The following CABIN1 variants were observed in gnomAD, a reference collection of about 807,000 sequenced individuals.
CABIN1 encodes calcineurin binding protein 1.
CABIN1 carries 133 observed loss-of-function variants against 227.7 expected under a neutral mutation model. The ratio of observed to expected loss-of-function variants is 0.58; its 90% CI spans 0.51 to 0.67. CABIN1 has a LOEUF of 0.67. CABIN1 is among the 30% of genes least tolerant of loss of function. CABIN1 has a pLI of 0.00. For missense variants in CABIN1, 2,408 were observed against 2,852.5 expected, an observed-to-expected ratio of 0.84 and a Z score of 3.55; for synonymous variants, 1,086 against 1,155.1, an observed-to-expected ratio of 0.94 and a Z score of 1.21.
chr22:24,119,725 T>C (rs752220987), intron 28 of CABIN1, 27 bp downstream of exon 28: 9 of 1,603,034 alleles, frequency 5.6e-6, no homozygotes, highest in Non-Finnish European at 7.7e-6. Flanking sequence ...CCAAGGGGGC[T>C]TGGATCTTCC....
In CABIN1 at chr22:24,055,177, A is replaced by G; in HGVS notation, c.1093+18A>G. The G allele has an allele frequency of 6.2e-7, 1 of 1,606,258 alleles. No individual in the cohort carries two copies. The highest frequency in any genetic ancestry group is 8.5e-7 in the Non-Finnish European group (1 of 1,179,946). On this transcript the variant is annotated intron_variant, in intron 9 of 36. Transcript: ENST00000263119. ...TCCTGTGGGTAAGCAGGCCCCCTGA[A>G]TTTGGCTTCCGGGGAGACCCCGTTC...
intron 1 of CABIN1, among the ~76,000 whole-genome samples, chr22:24,034,559 C>T (rs1279718151): frequency 1.3e-5 from 2 of 152,188 alleles, no homozygotes; most frequent in Non-Finnish European, 2.9e-5. Flanking sequence ...AATAATGCCT[C>T]TGTGAACATT....
chr22:24,033,591 C>T (rs1832270505), intron 1 of CABIN1, among the ~76,000 whole-genome samples: 1 of 152,184 alleles, frequency 6.6e-6, no homozygotes, highest in Non-Finnish European at 1.5e-5. Context: ...ATGGGTCCTC[C>T]TCCTGCCCTC....
At chr22:24,161,595 C>T (rs1054639031) in intron 29 of CABIN1, among the ~76,000 whole-genome samples, 2 of 152,148 alleles carry the variant, frequency 1.3e-5, no homozygotes, top group East Asian at 1.9e-4. Context: ...CCTCAGATGC[C>T]GTGGGGGTGT....
chr22:24,066,782 C>A (rs1027932856), intron 15 of CABIN1, among the ~76,000 whole-genome samples: 3 of 152,122 alleles, frequency 2.0e-5, no homozygotes, highest in African/African-American at 7.2e-5. Flanking sequence ...GAATTGGATG[C>A]CTAGCCATTA....
In CABIN1 at chr22:24,061,929, C is replaced by G; in HGVS notation, c.1618-18C>G. The G allele has an allele frequency of 1.1e-5, 17 of 1,606,496 alleles. No homozygotes were observed. The highest frequency in any genetic ancestry group is 1.4e-5 in the Non-Finnish European group (17 of 1,173,168). On this transcript the variant is annotated intron_variant, in intron 12 of 36. Coordinates refer to ENST00000263119, the MANE Select transcript of CABIN1 (RefSeq NM_012295.4). ...GCTTTGTGATACTGTTCTTGACCTT[C>G]CTGTGTCTGTCCTGCAGGACATGAT...
chr22:24,167,101 C>CCCGCCA lies in CABIN1; in HGVS notation c.5473_5478dup (p.Ala1825_Thr1826dup). 1.3e-6 allele frequency: 2 copies of CCCGCCA among 1,548,474 alleles called. No homozygotes were observed. The highest frequency in any genetic ancestry group is 1.7e-6 in the Non-Finnish European group (2 of 1,146,726). Reference sequence around the variant, plus strand: ...AGCCCAGCCAGCCCCCGCCCCCGCCCCCGCCACCACCACAGGGACCAGGGC... The same window carrying CCCGCCA: ...AGCCCAGCCAGCCCCCGCCCCCGCCCCCGCCACCGCCACCACCACAGGGACCAGGGC... On this transcript the variant is annotated inframe_insertion, in exon 32 of 37. Coordinates refer to ENST00000263119, the MANE Select transcript of CABIN1 (RefSeq NM_012295.4).
chr22:24,162,416 G>A (rs965557663), intron 29 of CABIN1, among the ~76,000 whole-genome samples: 2 of 152,234 alleles, frequency 1.3e-5, no homozygotes, highest in Non-Finnish European at 2.9e-5. Flanking sequence ...CACAACAGAA[G>A]GGGCTTCTGG....
intron 28 of CABIN1, among the ~76,000 whole-genome samples, 166 bp from the exon 29 acceptor site, chr22:24,134,136 C>A (rs2044243961): frequency 6.6e-6 from 1 of 152,236 alleles, no homozygotes; most frequent in South Asian, 2.1e-4. Context: ...GCCTGATGAT[C>A]AAAGCCCATG....
chr22:24,037,811 C>G (rs1229396076), intron 3 of CABIN1, among the ~76,000 whole-genome samples: 1 of 152,166 alleles, frequency 6.6e-6, no homozygotes, highest in African/African-American at 2.4e-5. Context: ...ATGCCAGTTG[C>G]AAGCGTTGAG....
chr22:24,063,280 C>T, intron 14 of CABIN1, 134 bp downstream of exon 14: 1 of 897,680 alleles, frequency 1.1e-6, no homozygotes, highest in Admixed American at 2.0e-5. Context: ...ACATGCATAG[C>T]ACCTGCCCGG....
chr22:24,122,638 G>A (rs2043485397), intron 28 of CABIN1, among the ~76,000 whole-genome samples: 2 of 152,050 alleles, frequency 1.3e-5, no homozygotes, highest in South Asian at 4.1e-4. Context: ...AACTGGGGAG[G>A]CGGAGGTTGC....
Position 24,038,724 on chromosome 22 carries a change from C to A in CABIN1, c.210+263C>A, listed in dbSNP as rs1042174096. On this transcript the variant is annotated intron_variant, in intron 4 of 36. Coordinates refer to ENST00000263119, the MANE Select transcript of CABIN1 (RefSeq NM_012295.4). ...AGGCCAGCTATCGTTATTACTTAAT[C>A]TTCACAACCACTCTGCCCAGTAGCT... 2.6e-5 allele frequency among the ~76,000 whole-genome samples: 4 copies of A among 152,226 alleles called. No individual in the cohort carries two copies. In the East Asian group the frequency reaches 7.7e-4, roughly 29 times the overall value.
At chr22:24,141,998 A>T (rs913204478) in intron 29 of CABIN1, among the ~76,000 whole-genome samples, 1 of 152,150 alleles carries the variant, frequency 6.6e-6, no homozygotes, top group Non-Finnish European at 1.5e-5. Flanking sequence ...GTTGGGGGGA[A>T]GGAGAGAAAG....
intron 19 of CABIN1, among the ~76,000 whole-genome samples, chr22:24,079,216 C>CA (rs2040646728): frequency 6.6e-6 from 1 of 152,198 alleles, no homozygotes; most frequent in African/African-American, 2.4e-5. Flanking sequence ...CCTTCCCAAT[C>CA]ATCCCACATT....
intron 24 of CABIN1, among the ~76,000 whole-genome samples, chr22:24,092,305 C>T (rs1315217547): frequency 6.6e-6 from 1 of 152,116 alleles, no homozygotes; most frequent in African/African-American, 2.4e-5. Flanking sequence ...GCTCTCTTGA[C>T]CCCCAGTTTG....
At chr22:24,045,021 G>A (rs1003987417) in intron 6 of CABIN1, among the ~76,000 whole-genome samples, 13 of 151,226 alleles carry the variant, frequency 8.6e-5, no homozygotes, top group Non-Finnish European at 1.8e-4. Context: ...CCAGGTTCAT[G>A]CCATTCTCCC....
chr22:24,095,920 CG>C lies in CABIN1; in HGVS notation c.3787-10del. 6.2e-6 allele frequency: 10 copies of C among 1,613,836 alleles called. No homozygotes were observed. Among genetic ancestry groups the C allele is most frequent in the Non-Finnish European group, 8.5e-6 (10 of 1,179,892 alleles). The stretch of plus-strand genomic sequence containing the variant: ...GGAAGGCTGCTCACACTAGAGGTGT[CG>C]TTCTCCTAGGTGTACTTTCGGCTCC... On this transcript the variant is annotated splice_polypyrimidine_tract_variant and intron_variant, in intron 24 of 36. Transcript: ENST00000263119.
chr22:24,111,256 T>C (rs564191617), intron 26 of CABIN1, among the ~76,000 whole-genome samples: 1 of 152,342 alleles, frequency 6.6e-6, no homozygotes, highest in African/African-American at 2.4e-5. Flanking sequence ...TGCGTTAGCC[T>C]ACAGTTGGGC....
Sources: allele counts gnomAD v4.1 joint callset (sites outside exome capture counted in the v4.1 genomes callset), GRCh38; gene constraint gnomAD v4.1.1; transcripts MANE v1.5; gene names NCBI Gene and HGNC (gene_info 2026-07-23, HGNC 2026-07-21).